Variants in TEKT1 observed in about 807,000 individuals in gnomAD.
TEKT1 encodes tektin-1.
In TEKT1, 32 loss-of-function variants were observed where a neutral mutation model predicts 34.8. The ratio of observed to expected loss-of-function variants is 0.92; its 90% CI spans 0.69 to 1.23. The LOEUF (loss-of-function observed/expected upper bound fraction) is 1.23, where lower values mean the gene tolerates loss of function less well. TEKT1 is among the 50% of genes most tolerant of loss of function. The pLI is 0.00. For synonymous variants in TEKT1, 207 were observed against 199.8 expected (o/e 1.04, Z -0.30); for missense variants, 492 against 518.5 (o/e 0.95, Z 0.50).
At chr17:6,817,402 GTAA>G (rs1977021665) in intron 3 of TEKT1, among the ~76,000 whole-genome samples, 3 of 152,006 alleles carry the variant, frequency 2.0e-5, no homozygotes, top group African/African-American at 7.2e-5. Flanking sequence ...GATGTTTATA[GTAA>G]TAATAACTAT....
chr17:6,823,724 T>G (rs933854120), intron 2 of TEKT1, among the ~76,000 whole-genome samples: 7 of 151,702 alleles, frequency 4.6e-5, no homozygotes, highest in Non-Finnish European at 8.8e-5. Flanking sequence ...AAGTCACTAG[T>G]CCAAATTTAT....
rs1976958065 is a variant in TEKT1, at chr17:6,813,578, AC to A, written c.630-526del. 2.0e-5 allele frequency among the ~76,000 whole-genome samples: 3 copies of A among 151,598 alleles called. No individual in the cohort carries two copies. In the South Asian group the frequency reaches 6.3e-4, roughly 32 times the overall value. On this transcript the variant is annotated intron_variant, in intron 5 of 7. Transcript: ENST00000338694. ...CACACACACACACACACACACACAC[AC>A]ACACACACACACATATCTAGTATAT...
chr17:6,800,175 A>C lies in TEKT1; in HGVS notation c.1109T>G (p.Leu370Arg). 5.6e-6 allele frequency: 9 copies of C among 1,614,220 alleles called. No homozygotes were observed. The highest frequency in any genetic ancestry group is 7.6e-6 in the Non-Finnish European group (9 of 1,180,038). The change falls in exon 8 of 8, where the codon CTT (leucine) becomes CGT (arginine). Residue 370 changes from leucine (L) to arginine (R), a missense_variant. Coordinates refer to ENST00000338694, the MANE Select transcript of TEKT1 (RefSeq NM_053285.2). ...GACCTGGATCTCCTCCTGCAGGGCA[A>C]GCTGTCTGCGATGCAGCCCTTTCAG... ...AELKGLHRRQ[L>R]ALQEEIQVKE...
chr17:6,799,889 C>A lies in TEKT1; in HGVS notation c.*138G>T. ...GAAGAAACTCGCCCCAAAATCAGCC[C>A]CCTGAGCAGGCTTGGAATGCCAGCC... On this transcript the variant is annotated 3_prime_UTR_variant, in exon 8 of 8. Transcript: ENST00000338694. 1 of 761,296 alleles carries A rather than the reference C, an allele frequency of 1.3e-6. No individual in the cohort carries two copies. Among genetic ancestry groups the A allele is most frequent in the Non-Finnish European group, 2.0e-6 (1 of 489,398 alleles). 47.2% of individuals were successfully genotyped at this position (761,296 alleles called of 1,614,324 possible).
chr17:6,823,677 T>A (rs1278375210), intron 2 of TEKT1, among the ~76,000 whole-genome samples: 1 of 152,188 alleles, frequency 6.6e-6, no homozygotes, highest in Non-Finnish European at 1.5e-5. Context: ...ACTATCCTAC[T>A]GGACATCTCT....
intron 2 of TEKT1, among the ~76,000 whole-genome samples, chr17:6,822,677 A>G (rs1977109764): frequency 6.6e-6 from 1 of 152,150 alleles, no homozygotes; most frequent in South Asian, 2.1e-4. Context: ...CAAGGATGCA[A>G]TCTCTTCTCT....
rs1976747548 is a variant in TEKT1, at chr17:6,800,118, A to G, written c.1166T>C (p.Leu389Pro). 1 of 1,614,120 alleles carries G rather than the reference A, an allele frequency of 6.2e-7. No individual in the cohort carries two copies. Among genetic ancestry groups the G allele is most frequent in the Non-Finnish European group, 8.5e-7 (1 of 1,180,036 alleles). The change falls in exon 8 of 8, where the codon CTG (leucine) becomes CCG (proline). Residue 389 changes from leucine to proline, a missense_variant. Physicochemically the swap from Leu to Pro is moderately conservative, Grantham distance 98. Transcript: ENST00000338694. ...GATGGATTTCCTCATCTGCATACAC[A>G]GCACTTCGTCGATATAAATGGTGTT... is the stretch of plus-strand genomic sequence containing the variant. ...KENTIYIDEV[L>P]CMQMRKSIPL...
At position 6,819,218 on chromosome 17, in the gene TEKT1, T is replaced by C. The variant is rs1437586997; in HGVS notation, c.331A>G (p.Ile111Val). Residue 111 changes from isoleucine to valine, a missense_variant, in exon 3 of 8, where the codon ATC (isoleucine) becomes GTC (valine). Ile to Val is a conservative substitution (Grantham distance 29, BLOSUM62 3). Transcript: ENST00000338694. ...ALETLKEPLH[I>V]TETCLAYREK... is the part of the protein sequence containing the mutation. ...CTGTATGCCAGGCATGTCTCAGTGA[T>C]GTGCAAGGGCTCTTTCAAGGTCTCC... is the stretch of plus-strand genomic sequence containing the variant. 15 of 1,613,546 alleles carry C rather than the reference T, an allele frequency of 9.3e-6. No individual in the cohort carries two copies. The highest frequency in any genetic ancestry group is 1.2e-5 in the Non-Finnish European group (14 of 1,179,836).
At chr17:6,829,873 T>A (rs957007902) in intron 2 of TEKT1, among the ~76,000 whole-genome samples, 1 of 152,154 alleles carries the variant, frequency 6.6e-6, no homozygotes, top group Non-Finnish European at 1.5e-5. Flanking sequence ...CCTCTTCAAG[T>A]TAGAAGCCCC....
intron 2 of TEKT1, among the ~76,000 whole-genome samples, chr17:6,819,656 C>T (rs920380416): frequency 6.6e-6 from 1 of 152,146 alleles, no homozygotes; most frequent in Non-Finnish European, 1.5e-5. Flanking sequence ...TTAGAAAAGT[C>T]AAATAGTATC....
intron 2 of TEKT1, among the ~76,000 whole-genome samples, chr17:6,825,846 T>C (rs1347807443): frequency 6.6e-6 from 1 of 152,084 alleles, no homozygotes; most frequent in Non-Finnish European, 1.5e-5. Context: ...TATTTATCCA[T>C]CCTACTGTTG....
chr17:6,817,337 T>G (rs1977020684), intron 3 of TEKT1, among the ~76,000 whole-genome samples: 1 of 148,976 alleles, frequency 6.7e-6, no homozygotes, highest in African/African-American at 2.5e-5. Context: ...ATTGCACCAT[T>G]CCACTCCAGC....
Position 6,811,981 on chromosome 17 carries a change from TC to T in TEKT1, c.852+849del, listed in dbSNP as rs907077326. 6.6e-6 allele frequency among the ~76,000 whole-genome samples: 1 copy of T among 152,096 alleles called. No homozygotes were observed. The highest frequency in any genetic ancestry group is 2.4e-5 in the African/African-American group (1 of 41,426). Reference sequence around the variant, plus strand: ...CCCTCTGATATGGTTTGGCTCTGTGTCCCCACCCAAATCTCATCTTGCATTG... The same window carrying T: ...CCCTCTGATATGGTTTGGCTCTGTGTCCCACCCAAATCTCATCTTGCATTG... On this transcript the variant is annotated intron_variant, in intron 6 of 7. Coordinates refer to ENST00000338694, the MANE Select transcript of TEKT1 (RefSeq NM_053285.2). This position sits in a 1 kb window ranked among gnomAD's most constrained non-coding sequence, Gnocchi z 4.4.
intron 4 of TEKT1, 148 bp from the exon 5 acceptor site, chr17:6,815,454 G>A (rs567001627): frequency 1.5e-4 from 137 of 917,888 alleles, no homozygotes; most frequent in East Asian, 7.1e-4. Flanking sequence ...ACACTCATGC[G>A]TATACCATTT....
intron 6 of TEKT1, among the ~76,000 whole-genome samples, chr17:6,806,482 T>G (rs1474418474): frequency 1.3e-5 from 2 of 152,194 alleles, no homozygotes; most frequent in Non-Finnish European, 2.9e-5. Flanking sequence ...AGGTTAATAT[T>G]GTTATGTGTG....
Position 6,808,158 on chromosome 17 carries a change from C to T in TEKT1, c.852+4673G>A, listed in dbSNP as rs1976872405. Among the ~76,000 whole-genome samples, 2 of 152,204 alleles carry T rather than the reference C, an allele frequency of 1.3e-5. 1 individual carries two copies. The highest frequency in any genetic ancestry group is 4.1e-4 in the South Asian group (2 of 4,830). ...CTGCTTTGTTTACCTACTCAAGCCTCAGCAATGACAGGCACCTCTCCGCCA... is the reference window on the plus strand; with the variant it reads ...CTGCTTTGTTTACCTACTCAAGCCTTAGCAATGACAGGCACCTCTCCGCCA... On this transcript the variant is annotated intron_variant, in intron 6 of 7. Coordinates refer to ENST00000338694, the MANE Select transcript of TEKT1 (RefSeq NM_053285.2).
In TEKT1 at chr17:6,799,070, T is replaced by TGAGCA. The variant is rs1976731557; in HGVS notation, c.*952_*956dup. 6.6e-6 allele frequency: 1 copy of TGAGCA among 152,184 alleles called. No individual in the cohort carries two copies. The highest frequency in any genetic ancestry group is 1.5e-5 in the Non-Finnish European group (1 of 68,044). The allele number at this position is 152,184 out of a possible 1,614,324, so 9.4% of individuals were successfully genotyped here. A position where few individuals can be genotyped will look rare whatever the true frequency, so the allele number is the denominator to read the frequency against. On this transcript the variant is annotated 3_prime_UTR_variant, in exon 8 of 8. Transcript: ENST00000338694. The stretch of plus-strand genomic sequence containing the variant: ...CAATGTTAGCGGAATAAGGAACAAA[T>TGAGCA]GAGCAGTTTCCCACAGCAAATGTCT...
Position 6,798,957 on chromosome 17 carries a change from G to T in TEKT1, c.*1070C>A, listed in dbSNP as rs2151579833. ...CACCGTCAGCTGTCCATGAGCACCG[G>T]GGAACCAAATGTTAGCAGAGTGTAG... On this transcript the variant is annotated 3_prime_UTR_variant, in exon 8 of 8. Transcript: ENST00000338694. 6.6e-6 allele frequency: 1 copy of T among 152,334 alleles called. No homozygotes were observed. Among genetic ancestry groups the T allele is most frequent in the Middle Eastern group, 3.4e-3 (1 of 294 alleles). The allele number at this position is 152,334 out of a possible 1,614,324, so 9.4% of individuals were successfully genotyped here.
intron 6 of TEKT1, among the ~76,000 whole-genome samples, chr17:6,810,525 C>T (rs1206018644): frequency 1.3e-5 from 2 of 151,914 alleles, no homozygotes; most frequent in African/African-American, 4.8e-5. Flanking sequence ...TTTTTAATGC[C>T]CATAAATAAA....
Sources: gnomAD v4.1 joint callset for allele counts (sites outside exome capture counted in the v4.1 genomes callset) on GRCh38, gnomAD v4.1.1 for gene constraint, Gnocchi (gnomAD v3.1) non-coding constraint, MANE v1.5 for transcripts, NCBI Gene and HGNC (gene_info 2026-07-23, HGNC 2026-07-21) for gene names.